Variants in FFAR4 observed in about 807,000 individuals in gnomAD.
The protein encoded by FFAR4 is free fatty acid receptor 4, also known as G-protein coupled receptor 120.
In FFAR4, 19 loss-of-function variants were observed where a neutral mutation model predicts 27.0. The observed-to-expected ratio is 0.70, with a 90% CI of 0.49 to 1.03. The LOEUF (loss-of-function observed/expected upper bound fraction) is 1.03. Ranked by LOEUF, FFAR4 falls within the 50% of genes least tolerant of loss-of-function variation. The probability of loss-of-function intolerance (pLI) is 0.00; values close to 1 mark genes in which losing one functional copy is unlikely to be tolerated. For missense variants in FFAR4, 476 were observed against 479.0 expected, an observed-to-expected ratio of 0.99 and a Z score of 0.06; for synonymous variants, 254 against 215.6, an observed-to-expected ratio of 1.18 and a Z score of -1.56.
intron 2 of FFAR4, among the ~76,000 whole-genome samples, chr10:93,582,802 G>A (rs10882270): frequency 0.77 from 117,479 of 152,036 alleles, 47,694 homozygotes; most frequent in Non-Finnish European, 0.88. Flanking sequence ...TAGTTGACTC[G>A]GTTCCACATG....
At chr10:93,575,888 A>G (rs905482668) in intron 1 of FFAR4, among the ~76,000 whole-genome samples, 8 of 152,176 alleles carry the variant, frequency 5.3e-5, no homozygotes, top group Non-Finnish European at 1.2e-4. Context: ...AAACATAATC[A>G]TGGCTATTCT....
At chr10:93,579,141 C>T (rs375233910) in intron 2 of FFAR4, 1 of 1,613,538 alleles carries the variant, frequency 6.2e-7, no homozygotes, top group African/African-American at 1.3e-5. Context: ...AGCCGGCCTT[C>T]ACTTCTCCCC....
chr10:93,578,431 A>C lies in FFAR4; in HGVS notation c.696+2212A>C, dbSNP rs1564783892. On this transcript the variant is annotated intron_variant, in intron 2 of 2. Transcript: ENST00000371481. ...GATTCCCTCTCAAAAAAAAAAAAAA[A>C]AAAAAAAAAACGAGAAAAACAAAAG... Among the ~76,000 whole-genome samples, 12 of 151,834 alleles carry C rather than the reference A, an allele frequency of 7.9e-5. No individual in the cohort carries two copies. The South Asian group carries it at 8.3e-4, about 11-fold the overall frequency.
intron 2 of FFAR4, 75 bp from the exon 3 acceptor site, chr10:93,587,145 T>C: frequency 7.4e-7 from 1 of 1,358,512 alleles, no homozygotes; most frequent in Non-Finnish European, 1.0e-6. Flanking sequence ...AGATTCCAAC[T>C]CTTGGGCCCC....
rs138225523 is a variant in FFAR4, at chr10:93,574,969, C to T, written c.568-1122C>T. ...TGTGGAAGGATTTAATGAACTTCCC[C>T]CTACCATGTGTTCACACCAGCCCAG... On this transcript the variant is annotated intron_variant, in intron 1 of 2. Coordinates refer to ENST00000371481, the MANE Select transcript of FFAR4 (RefSeq NM_001195755.2). Among the ~76,000 whole-genome samples the T allele has an allele frequency of 3.6e-3, 555 of 152,296 alleles. 3 individuals carry two copies. Among genetic ancestry groups the T allele is most frequent in the Non-Finnish European group, 5.9e-3 (403 of 68,020 alleles).
At position 93,589,098 on chromosome 10, in the gene FFAR4, G is replaced by A. The variant is rs1285608740; in HGVS notation, c.*1489G>A. The A allele has an allele frequency of 6.6e-6, 1 of 152,240 alleles. No homozygotes were observed. Among genetic ancestry groups the A allele is most frequent in the Non-Finnish European group, 1.5e-5 (1 of 68,058 alleles). 9.4% of individuals were successfully genotyped at this position (152,240 alleles called of 1,614,324 possible). A position where few individuals can be genotyped will look rare whatever the true frequency, so the allele number is the denominator to read the frequency against. On this transcript the variant is annotated 3_prime_UTR_variant, in exon 3 of 3. Coordinates refer to ENST00000371481, the MANE Select transcript of FFAR4 (RefSeq NM_001195755.2). ...GCTTGAAGGGAGAGTGGCGTAAGCC[G>A]ACTATTGATGGAGCCTCCTCTGCAC...
intron 1 of FFAR4, among the ~76,000 whole-genome samples, chr10:93,574,704 T>C (rs923974218): frequency 3.6e-4 from 55 of 151,350 alleles, no homozygotes; most frequent in Admixed American, 7.2e-4. Context: ...CTGGCTAACA[T>C]GGTGAAACCC....
At chr10:93,582,155 G>C (rs2058201396) in intron 2 of FFAR4, among the ~76,000 whole-genome samples, 1 of 152,104 alleles carries the variant, frequency 6.6e-6, no homozygotes, top group African/African-American at 2.4e-5. Context: ...GAGGAGGAGA[G>C]GAGCCACATT....
intron 2 of FFAR4, among the ~76,000 whole-genome samples, chr10:93,576,592 T>C (rs1450158262): frequency 1.3e-5 from 2 of 152,250 alleles, no homozygotes; most frequent in African/African-American, 4.8e-5. Context: ...TGTGTGTATT[T>C]GATGAACCAT....
chr10:93,585,019 A>G (rs986208586), intron 2 of FFAR4, among the ~76,000 whole-genome samples: 1 of 152,158 alleles, frequency 6.6e-6, no homozygotes, highest in Admixed American at 6.5e-5. Context: ...AGTTACAAGT[A>G]TTCTAACGGG....
chr10:93,576,146 AT>A lies in FFAR4; in HGVS notation c.624del (p.Asp208GlufsTer7). 1 of 1,613,972 alleles carries A rather than the reference AT, an allele frequency of 6.2e-7. No individual in the cohort carries two copies. ...WPTIPGEISW[D>X]VSFVTLNFLV... is the part of the protein sequence containing the mutation. The stretch of plus-strand genomic sequence containing the variant: ...ACCATTCCTGGAGAGATCTCGTGGG[AT>A]GTCTCTTTTGTTACTTTGAACTTCT... On this transcript the variant is annotated frameshift_variant, in exon 2 of 3. Transcript: ENST00000371481. LOFTEE classifies it high-confidence loss of function.
Position 93,566,779 on chromosome 10 carries a change from C to T in FFAR4, c.59C>T (p.Ala20Val). The change falls in exon 1 of 3, where the codon GCC becomes GTC. Residue 20 changes from alanine to valine, a missense_variant. Transcript: ENST00000371481. ...GDAPLRSLEQ[A>V]NRTRFPFFSD... ...GCGCCCTTGCGCAGCCTGGAGCAAGCCAACCGCACCCGCTTTCCCTTCTTC... is the reference window on the plus strand; with the variant it reads ...GCGCCCTTGCGCAGCCTGGAGCAAGTCAACCGCACCCGCTTTCCCTTCTTC... The T allele has an allele frequency of 6.2e-7, 1 of 1,608,456 alleles. No homozygotes were observed.
Position 93,566,706 on chromosome 10 carries a change from C to T in FFAR4, c.-15C>T. The T allele has an allele frequency of 3.3e-6, 5 of 1,538,246 alleles. No individual in the cohort carries two copies. The highest frequency in any genetic ancestry group is 4.4e-6 in the Non-Finnish European group (5 of 1,143,220). On this transcript the variant is annotated 5_prime_UTR_variant, in exon 1 of 3. Transcript: ENST00000371481. ...AGCACTCTCTCAGACCGCTGCGGGC[C>T]GCCAGGCGCCGGGAATGTCCCCTGA...
chr10:93,572,148 CT>C (rs1313992315), intron 1 of FFAR4, among the ~76,000 whole-genome samples: 1 of 152,168 alleles, frequency 6.6e-6, no homozygotes, highest in African/African-American at 2.4e-5. Flanking sequence ...GGTCCCCACC[CT>C]TAGTAACACA....
intron 2 of FFAR4, among the ~76,000 whole-genome samples, chr10:93,578,966 C>A (rs578104116): frequency 9.9e-5 from 15 of 152,194 alleles, no homozygotes; most frequent in Non-Finnish European, 7.3e-5. Context: ...CGCTTCTCAG[C>A]TGCCTGCTGA....
chr10:93,573,121 G>A (rs1442574245), intron 1 of FFAR4, among the ~76,000 whole-genome samples: 1 of 152,170 alleles, frequency 6.6e-6, no homozygotes, highest in African/African-American at 2.4e-5. Flanking sequence ...ACTTCCAGCT[G>A]CTTGTCCTGT....
In FFAR4 at chr10:93,566,724, T is replaced by C. The variant is rs111335274; in HGVS notation, c.4T>C (p.Ser2Pro). The C allele has an allele frequency of 6.3e-7, 1 of 1,586,622 alleles. No individual in the cohort carries two copies. The highest frequency in any genetic ancestry group is 8.5e-7 in the Non-Finnish European group (1 of 1,170,588). The change falls in exon 1 of 3, where the codon TCC becomes CCC. Residue 2 changes from serine to proline, a missense_variant. Transcript: ENST00000371481. ...TGCGGGCCGCCAGGCGCCGGGAATGTCCCCTGAATGCGCGCGGGCAGCGGG... is the reference window on the plus strand; with the variant it reads ...TGCGGGCCGCCAGGCGCCGGGAATGCCCCCTGAATGCGCGCGGGCAGCGGG... M[S>P]PECARAAGDA...
At chr10:93,572,557 G>C (rs1258329061) in intron 1 of FFAR4, among the ~76,000 whole-genome samples, 1 of 152,160 alleles carries the variant, frequency 6.6e-6, no homozygotes. Context: ...GTTGGGGGTA[G>C]GCCAGTGAAA....
Position 93,566,761 on chromosome 10 carries a change from T to A in FFAR4, c.41T>A (p.Leu14Ter). The change falls in exon 1 of 3, where the codon TTG becomes TAG. Residue 14 changes from leucine to a stop codon, truncating the protein, a stop_gained. Coordinates refer to ENST00000371481, the MANE Select transcript of FFAR4 (RefSeq NM_001195755.2). LOFTEE classifies it high-confidence loss of function. The stretch of plus-strand genomic sequence containing the variant: ...GCGCGGGCAGCGGGCGACGCGCCCT[T>A]GCGCAGCCTGGAGCAAGCCAACCGC... The part of the protein sequence containing the change: ...ECARAAGDAP[L>*]RSLEQANRTR... The A allele has an allele frequency of 6.2e-7, 1 of 1,606,350 alleles. No individual in the cohort carries two copies. Among genetic ancestry groups the A allele is most frequent in the Non-Finnish European group, 8.5e-7 (1 of 1,178,652 alleles).
Sources: allele counts gnomAD v4.1 joint callset (sites outside exome capture counted in the v4.1 genomes callset), GRCh38; gene constraint gnomAD v4.1.1; transcripts MANE v1.5; gene names NCBI Gene and HGNC (gene_info 2026-07-23, HGNC 2026-07-21).